The following ANKRD29 variants were observed in gnomAD, a reference collection of about 807,000 sequenced individuals.
The protein encoded by ANKRD29 is ankyrin repeat domain-containing protein 29.
Under a neutral mutation model 38.0 loss-of-function variants are expected in ANKRD29, and 32 were observed. The ratio of observed to expected loss-of-function variants is 0.84; its 90% CI spans 0.64 to 1.13. The LOEUF (loss-of-function observed/expected upper bound fraction) is 1.13, where lower values mean the gene tolerates loss of function less well. Among genes scored for constraint, ANKRD29 ranks in the 50% most tolerant of loss-of-function variants. The pLI is 0.00. For synonymous variants in ANKRD29, 135 were observed against 152.4 expected, an observed-to-expected ratio of 0.89 and a Z score of 0.84; for missense variants, 357 against 377.9, an observed-to-expected ratio of 0.94 and a Z score of 0.46.
intron 1 of ANKRD29, among the ~76,000 whole-genome samples, chr18:23,653,965 C>T (rs1283486814): frequency 6.6e-6 from 1 of 151,718 alleles, no homozygotes; most frequent in East Asian, 1.9e-4. Flanking sequence ...ATAACAGAGC[C>T]GGGATTTAAG....
At chr18:23,619,148 C>G (rs1269898051) in intron 7 of ANKRD29, among the ~76,000 whole-genome samples, 1 of 152,172 alleles carries the variant, frequency 6.6e-6, no homozygotes, top group Non-Finnish European at 1.5e-5. Context: ...TGCAAGGGGT[C>G]TGCAGCTCCA....
intron 1 of ANKRD29, among the ~76,000 whole-genome samples, chr18:23,659,490 A>G (rs986733800): frequency 6.6e-6 from 1 of 152,116 alleles, no homozygotes; most frequent in Non-Finnish European, 1.5e-5. Flanking sequence ...TATGCCTGTA[A>G]TCCCAGCACT....
At chr18:23,628,556 C>T (rs2059890144) in intron 6 of ANKRD29, among the ~76,000 whole-genome samples, 2 of 152,170 alleles carry the variant, frequency 1.3e-5, no homozygotes, top group African/African-American at 4.8e-5. Flanking sequence ...TAATCTGGTG[C>T]CAGGCATGGT....
rs757650528 is a variant in ANKRD29 at position 23,599,251 on chromosome 18, A to G, written c.*1975T>C. 8.5e-5 allele frequency: 13 copies of G among 152,176 alleles called. No homozygotes were observed. The highest frequency in any genetic ancestry group is 2.0e-4 in the Admixed American group (3 of 15,282). The allele number at this position is 152,176 out of a possible 1,614,324, so 9.4% of individuals were successfully genotyped here. A position where few individuals can be genotyped will look rare whatever the true frequency, so the allele number is the denominator to read the frequency against. On this transcript the variant is annotated 3_prime_UTR_variant, in exon 10 of 10. Coordinates refer to ENST00000592179, the MANE Select transcript of ANKRD29 (RefSeq NM_173505.4). Reference sequence around the variant, plus strand: ...CTTCTAAGCTAGACACCTCTTCCCTACAGTAAGAAGGCCTCCATATTGTTC... The same window carrying G: ...CTTCTAAGCTAGACACCTCTTCCCTGCAGTAAGAAGGCCTCCATATTGTTC...
chr18:23,623,292 A>G (rs1249355851), intron 6 of ANKRD29, among the ~76,000 whole-genome samples: 1 of 152,122 alleles, frequency 6.6e-6, no homozygotes, highest in Non-Finnish European at 1.5e-5. Flanking sequence ...TGTGTATTTC[A>G]TTACTAGTCA....
At chr18:23,636,914 G>C (rs940093834) in intron 4 of ANKRD29, among the ~76,000 whole-genome samples, 5 of 152,164 alleles carry the variant, frequency 3.3e-5, no homozygotes, top group Non-Finnish European at 5.9e-5. Context: ...TTTAGTAGCA[G>C]TGAGAACAAT....
rs565838234 is a variant in ANKRD29, at chr18:23,651,872, A to C, written c.22-2679T>G. On this transcript the variant is annotated intron_variant, in intron 1 of 9. Transcript: ENST00000592179. ...AGAGGCAGCAACAGTGGGTATGGGA[A>C]GATTAGACAGACCAGAGACATTTTA... is the stretch of plus-strand genomic sequence containing the variant. 4.6e-5 allele frequency among the ~76,000 whole-genome samples: 7 copies of C among 152,346 alleles called. No individual in the cohort carries two copies. The South Asian group carries it at 1.4e-3, about 32-fold the overall frequency.
chr18:23,613,491 A>G (rs542555345), intron 8 of ANKRD29, among the ~76,000 whole-genome samples: 7 of 152,174 alleles, frequency 4.6e-5, no homozygotes, highest in Admixed American at 3.3e-4. Flanking sequence ...TAAAAAGCCA[A>G]AAAAGAGCTA....
intron 2 of ANKRD29, 158 bp from the exon 3 acceptor site, chr18:23,646,445 A>T: frequency 1.9e-6 from 1 of 522,828 alleles, no homozygotes; most frequent in Non-Finnish European, 3.3e-6. Flanking sequence ...CTCATCATGC[A>T]GCCTAGATGG....
intron 1 of ANKRD29, among the ~76,000 whole-genome samples, chr18:23,656,817 C>G (rs557291672): frequency 1.3e-5 from 2 of 152,176 alleles, no homozygotes; most frequent in African/African-American, 4.8e-5. Flanking sequence ...GTTGCTAATG[C>G]AAATCTCAGA....
rs564839397 is a variant in ANKRD29 at position 23,600,025 on chromosome 18, A to T, written c.*1201T>A. ...AGCTAAAGATGTGTTTAAATAGCAG[A>T]AATACCATTGCGTTTATTTTGGTAG... is the stretch of plus-strand genomic sequence containing the variant. On this transcript the variant is annotated 3_prime_UTR_variant, in exon 10 of 10. Transcript: ENST00000592179. 8.5e-5 allele frequency: 13 copies of T among 152,370 alleles called. No individual in the cohort carries two copies. Among genetic ancestry groups the T allele is most frequent in the African/African-American group, 3.1e-4 (13 of 41,572 alleles). 9.4% of individuals were successfully genotyped at this position (152,370 alleles called of 1,614,324 possible).
intron 4 of ANKRD29, 129 bp from the exon 5 acceptor site, chr18:23,634,278 G>GTTTTTTTTTTTTTTTTTTTTTTTTTTT (rs71163626): frequency 2.9e-6 from 1 of 343,748 alleles, no homozygotes; most frequent in Non-Finnish European, 4.9e-6. Flanking sequence ...CACTTTCCCT[G>GTTTTTTTTTTTTTTTTTTTTTTTTTTT]TTTTTTTTTT....
At chr18:23,641,404 G>C (rs890272041) in intron 3 of ANKRD29, among the ~76,000 whole-genome samples, 1 of 152,268 alleles carries the variant, frequency 6.6e-6, no homozygotes, top group Admixed American at 6.5e-5. Context: ...ACCTGCTCCA[G>C]TGCGGAGCAA....
chr18:23,617,941 A>T, intron 7 of ANKRD29, 114 bp from the exon 8 acceptor site: 1 of 752,986 alleles, frequency 1.3e-6, no homozygotes, highest in Non-Finnish European at 2.2e-6. Context: ...CGTGTAAATT[A>T]AGCACAGATC....
chr18:23,610,311 A>T lies in ANKRD29; in HGVS notation c.822+1781T>A, dbSNP rs573663757. ...GTCAACGTGGCAAAACCCTGTCTCTACTAAAAATACAAAAAAATTAGCTGG... is the reference window on the plus strand; with the variant it reads ...GTCAACGTGGCAAAACCCTGTCTCTTCTAAAAATACAAAAAAATTAGCTGG... On this transcript the variant is annotated intron_variant, in intron 9 of 9. Coordinates refer to ENST00000592179, the MANE Select transcript of ANKRD29 (RefSeq NM_173505.4). Among the ~76,000 whole-genome samples, 45 of 152,218 alleles carry T rather than the reference A, an allele frequency of 3.0e-4. No individual in the cohort carries two copies. In the South Asian group the frequency reaches 9.1e-3, roughly 31 times the overall value.
At chr18:23,630,843 A>G (rs2059921852) in intron 5 of ANKRD29, among the ~76,000 whole-genome samples, 1 of 149,390 alleles carries the variant, frequency 6.7e-6, no homozygotes, top group South Asian at 2.1e-4. Context: ...GCATGTGCTT[A>G]TAGTCCCAGC....
intron 9 of ANKRD29, among the ~76,000 whole-genome samples, chr18:23,610,754 C>A (rs908525389): frequency 9.9e-5 from 15 of 152,226 alleles, no homozygotes; most frequent in African/African-American, 3.4e-4. Flanking sequence ...TGGCTCACTG[C>A]ACCCTTGACC....
At chr18:23,613,978 C>T (rs1421587553) in intron 8 of ANKRD29, among the ~76,000 whole-genome samples, 1 of 152,048 alleles carries the variant, frequency 6.6e-6, no homozygotes, top group African/African-American at 2.4e-5. Flanking sequence ...GTGATCCACC[C>T]GCCTTTGCCT....
At chr18:23,643,514 T>G (rs1036222261) in intron 3 of ANKRD29, among the ~76,000 whole-genome samples, 4 of 152,234 alleles carry the variant, frequency 2.6e-5, no homozygotes, top group Non-Finnish European at 5.9e-5. Context: ...GGTACATTAA[T>G]TACATAAATC....
Sources: allele counts gnomAD v4.1 joint callset (sites outside exome capture counted in the v4.1 genomes callset), GRCh38; gene constraint gnomAD v4.1.1; transcripts MANE v1.5; gene names NCBI Gene and HGNC (gene_info 2026-07-23, HGNC 2026-07-21).